Variants in CREB5 observed in about 807,000 individuals in gnomAD.
CREB5 encodes cAMP responsive element binding protein 5.
CREB5 carries 19 observed loss-of-function variants against 57.1 expected under a neutral mutation model. That is an observed-to-expected ratio of 0.33 (90% CI 0.23 to 0.49). The LOEUF (loss-of-function observed/expected upper bound fraction) is 0.49, where lower values mean the gene tolerates loss of function less well. CREB5 is among the 20% of genes least tolerant of loss of function. CREB5 has a pLI of 0.99. For missense variants in CREB5, 579 were observed against 671.6 expected (o/e 0.86, Z 1.52); for synonymous variants, 238 against 238.3 (o/e 1.00, Z 0.01).
intron 5 of CREB5, among the ~76,000 whole-genome samples, chr7:28,603,649 C>T (rs1385582510): frequency 6.6e-6 from 1 of 152,204 alleles, no homozygotes; most frequent in African/African-American, 2.4e-5. Context: ...CTGAATGTGT[C>T]ATACACATTG....
chr7:28,497,050 A>G (rs149191255), intron 3 of CREB5, among the ~76,000 whole-genome samples: 229 of 152,334 alleles, frequency 1.5e-3, no homozygotes, highest in African/African-American at 5.2e-3. Flanking sequence ...TTTAAATTCA[A>G]AAGTTCTCCC....
intron 5 of CREB5, among the ~76,000 whole-genome samples, chr7:28,677,955 A>G (rs1800395110): frequency 6.6e-6 from 1 of 152,224 alleles, no homozygotes; most frequent in African/African-American, 2.4e-5. Flanking sequence ...CAGACAGTGC[A>G]TGAATCTCAC....
At chr7:28,615,414 G>C (rs1207406765) in intron 5 of CREB5, 2 of 152,398 alleles carry the variant, frequency 1.3e-5, no homozygotes, top group East Asian at 1.9e-4. Flanking sequence ...AGCCACGGAG[G>C]CCAGTCACCT....
intron 9 of CREB5, 126 bp downstream of exon 9, chr7:28,809,540 C>G (rs917670689): frequency 1.2e-6 from 1 of 806,630 alleles, no homozygotes; most frequent in Non-Finnish European, 1.9e-6. Context: ...GGAGCCGCAG[C>G]CCCACTCCTC....
intron 5 of CREB5, among the ~76,000 whole-genome samples, chr7:28,706,310 C>A (rs1160772372): frequency 1.3e-5 from 2 of 151,884 alleles, no homozygotes; most frequent in Non-Finnish European, 2.9e-5. Flanking sequence ...GAGCTGAGAT[C>A]GTGCCATTGC....
At chr7:28,708,948 A>G (rs1802265899) in intron 5 of CREB5, among the ~76,000 whole-genome samples, 1 of 152,246 alleles carries the variant, frequency 6.6e-6, no homozygotes, top group African/African-American at 2.4e-5. Context: ...AAGACTCATA[A>G]TCAGAGGGCT....
intron 6 of CREB5, among the ~76,000 whole-genome samples, chr7:28,719,858 G>A (rs1428195761): frequency 2.6e-5 from 4 of 152,092 alleles, no homozygotes; most frequent in Non-Finnish European, 5.9e-5. Context: ...TCAAGAGATC[G>A]AGACCAGCCT....
At chr7:28,606,361 A>C (rs1797130619) in intron 5 of CREB5, among the ~76,000 whole-genome samples, 1 of 152,168 alleles carries the variant, frequency 6.6e-6, no homozygotes, top group African/African-American at 2.4e-5. Context: ...TTGCTGTCCT[A>C]CTTATTAAAA....
intron 5 of CREB5, among the ~76,000 whole-genome samples, chr7:28,631,202 T>A (rs537163421): frequency 6.6e-6 from 1 of 152,336 alleles, no homozygotes; most frequent in East Asian, 1.9e-4. Context: ...AATCACTGAC[T>A]GCTTTAATCT....
intron 4 of CREB5, among the ~76,000 whole-genome samples, chr7:28,562,344 T>A (rs888641921): frequency 1.3e-5 from 2 of 152,234 alleles, no homozygotes; most frequent in African/African-American, 4.8e-5. Flanking sequence ...CCTGAGAAGA[T>A]ATTTATTGTC....
intron 5 of CREB5, among the ~76,000 whole-genome samples, chr7:28,603,598 G>T (rs576095426): frequency 1.5e-3 from 227 of 152,318 alleles, no homozygotes; most frequent in African/African-American, 4.8e-3. Flanking sequence ...CTCAAAGGAG[G>T]TCTTTGTTGA....
chr7:28,603,276 C>T (rs1435258972), intron 5 of CREB5, among the ~76,000 whole-genome samples: 1 of 152,126 alleles, frequency 6.6e-6, no homozygotes, highest in African/African-American at 2.4e-5. Context: ...GATGAGTATT[C>T]AACGGTAGAA....
At chr7:28,657,740 A>G (rs961362357) in intron 5 of CREB5, among the ~76,000 whole-genome samples, 3 of 149,198 alleles carry the variant, frequency 2.0e-5, no homozygotes, top group Admixed American at 2.0e-4. Context: ...AAAAAAAAAG[A>G]ATAAAATTGC....
At chr7:28,482,252 C>T (rs767766778) in intron 1 of CREB5, among the ~76,000 whole-genome samples, 9 of 152,186 alleles carry the variant, frequency 5.9e-5, no homozygotes, top group Non-Finnish European at 1.2e-4. Flanking sequence ...GGATAACCTA[C>T]CTGCATCCTT....
intron 7 of CREB5, among the ~76,000 whole-genome samples, chr7:28,736,824 C>T (rs79468445): frequency 7.4e-5 from 10 of 134,808 alleles, no homozygotes; most frequent in African/African-American, 1.1e-4. Flanking sequence ...CTCTCTCTCT[C>T]TTTTTTTTTT....
intron 1 of CREB5, among the ~76,000 whole-genome samples, chr7:28,441,692 G>A (rs1789190140): frequency 6.6e-6 from 1 of 152,140 alleles, no homozygotes; most frequent in Non-Finnish European, 1.5e-5. Context: ...CATAGCACCA[G>A]GTGAACTGGA....
At chr7:28,562,864 A>C (rs1323872103) in intron 4 of CREB5, among the ~76,000 whole-genome samples, 2 of 152,242 alleles carry the variant, frequency 1.3e-5, no homozygotes, top group Non-Finnish European at 2.9e-5. Context: ...CCCATTTGTA[A>C]GAATAACAGG....
chr7:28,346,504 A>G (rs542847748), intron 1 of CREB5, among the ~76,000 whole-genome samples: 1 of 152,352 alleles, frequency 6.6e-6, no homozygotes, highest in East Asian at 1.9e-4. Context: ...TAGGATTTCA[A>G]CATGTGAATT....
intron 1 of CREB5, among the ~76,000 whole-genome samples, chr7:28,459,548 C>T (rs1437306631): frequency 6.6e-6 from 1 of 152,170 alleles, no homozygotes; most frequent in Non-Finnish European, 1.5e-5. Context: ...TCATGGGTTA[C>T]ATCCCCTCTT....
Sources: gnomAD v4.1 joint callset for allele counts (sites outside exome capture counted in the v4.1 genomes callset) on GRCh38, gnomAD v4.1.1 for gene constraint, MANE v1.5 for transcripts, NCBI Gene and HGNC (gene_info 2026-07-23, HGNC 2026-07-21) for gene names.